ZFAT: variants seen among roughly 807,000 people sequenced by gnomAD.
ZFAT encodes zinc finger protein ZFAT.
In ZFAT, 64 loss-of-function variants were observed where a neutral mutation model predicts 117.7. The ratio of observed to expected loss-of-function variants is 0.54; its 90% confidence interval spans 0.44 to 0.67. ZFAT has a LOEUF of 0.67. ZFAT is among the 30% of genes least tolerant of loss of function. The pLI is 0.00. For missense variants in ZFAT, 1,433 were observed against 1,584.5 expected (o/e 0.90, Z 1.62); for synonymous variants, 679 against 615.0 (o/e 1.10, Z -1.54).
At chr8:134,712,732 G>C (rs1331709090) in intron 1 of ZFAT, 113 bp downstream of exon 1, 2 of 947,622 alleles carry the variant, frequency 2.1e-6, no homozygotes, top group Non-Finnish European at 2.8e-6. Context: ...GCCGGCGGCC[G>C]GCGGCCGGCG....
At chr8:134,713,880 C>A (rs574827069), upstream of ZFAT, among the ~76,000 whole-genome samples, 17 of 27,102 alleles carry the variant, frequency 6.3e-4, no homozygotes, top group East Asian at 0.016. Context: ...CATTATCTCC[C>A]TCCCTTACCT....
At chr8:134,608,519 T>A (rs1250311451) in intron 5 of ZFAT, among the ~76,000 whole-genome samples, 4 of 152,230 alleles carry the variant, frequency 2.6e-5, no homozygotes, top group Admixed American at 6.5e-5. Flanking sequence ...TCTAAAAACA[T>A]GCTACTCTGC....
chr8:134,518,971 A>G (rs1820442394), intron 13 of ZFAT, among the ~76,000 whole-genome samples: 1 of 152,154 alleles, frequency 6.6e-6, no homozygotes, highest in Admixed American at 6.6e-5. Context: ...CATTGGGTCT[A>G]TTCTAAATTT....
At chr8:134,559,222 C>G (rs1195704767) in intron 11 of ZFAT, among the ~76,000 whole-genome samples, 1 of 152,230 alleles carries the variant, frequency 6.6e-6, no homozygotes, top group Non-Finnish European at 1.5e-5. Context: ...TTCCAACCCT[C>G]ACCCACCTGC....
At chr8:134,522,646 C>T (rs1264359420) in intron 12 of ZFAT, among the ~76,000 whole-genome samples, 1 of 152,178 alleles carries the variant, frequency 6.6e-6, no homozygotes, top group Non-Finnish European at 1.5e-5. Flanking sequence ...TCTCTCAAAC[C>T]TGCCTGGCAA....
intron 9 of ZFAT, among the ~76,000 whole-genome samples, chr8:134,585,434 G>T (rs1301874431): frequency 6.6e-6 from 1 of 152,128 alleles, no homozygotes; most frequent in African/African-American, 2.4e-5. Context: ...TATTTGACCT[G>T]GTGTTTTTCT....
At chr8:134,782,642 A>G in the ZFAT span, among the ~76,000 whole-genome samples, 2 of 152,106 alleles carry the variant, frequency 1.3e-5, no homozygotes, top group Admixed American at 6.5e-5. Context: ...TAAGTATCAC[A>G]AGATCTGATA....
At position 134,685,748 on chromosome 8, in the gene ZFAT, T is replaced by C. The variant is rs1046171420; in HGVS notation, c.19+27097A>G. Among the ~76,000 whole-genome samples the C allele has an allele frequency of 1.3e-5, 2 of 152,162 alleles. 1 individual carries two copies. Among genetic ancestry groups the C allele is most frequent in the Admixed American group, 1.3e-4 (2 of 15,282 alleles). On this transcript the variant is annotated intron_variant, in intron 1 of 15. Coordinates refer to ENST00000377838, the MANE Select transcript of ZFAT (RefSeq NM_020863.4). ...CCTTCATCAACGGGAGGGCGACATATACGTGCTAACATCACCCTCCAGTGG... is the reference window on the plus strand; with the variant it reads ...CCTTCATCAACGGGAGGGCGACATACACGTGCTAACATCACCCTCCAGTGG...
At chr8:134,628,654 A>G (rs958321755) in intron 3 of ZFAT, among the ~76,000 whole-genome samples, 2 of 152,220 alleles carry the variant, frequency 1.3e-5, no homozygotes, top group Non-Finnish European at 2.9e-5. Flanking sequence ...TTATAATACC[A>G]TGTGTGTATT....
At chr8:134,709,568 C>G (rs1813910144) in intron 1 of ZFAT, among the ~76,000 whole-genome samples, 1 of 152,222 alleles carries the variant, frequency 6.6e-6, no homozygotes, top group Admixed American at 6.5e-5. Context: ...AGAGGGAAAA[C>G]TTAACTCTAG....
chr8:134,533,083 C>T, intron 11 of ZFAT, 111 bp from the exon 12 acceptor site: 4 of 1,435,258 alleles, frequency 2.8e-6, no homozygotes, highest in South Asian at 1.3e-5. Flanking sequence ...ATGAGCAGGC[C>T]CCATCACCTG....
At chr8:134,647,687 C>CA (rs1424318016) in intron 2 of ZFAT, among the ~76,000 whole-genome samples, 88 of 152,112 alleles carry the variant, frequency 5.8e-4, no homozygotes, top group African/African-American at 2.0e-3. Flanking sequence ...TTACAAGATA[C>CA]AAAATCAACA....
At chr8:134,713,583 CCT>C (rs1268141463), upstream of ZFAT, among the ~76,000 whole-genome samples, 1 of 152,138 alleles carries the variant, frequency 6.6e-6, no homozygotes, top group African/African-American at 2.4e-5. Context: ...GCGACTTCCT[CCT>C]CTCTCGTCTC....
intron 15 of ZFAT, among the ~76,000 whole-genome samples, chr8:134,485,194 C>T (rs1406854389): frequency 6.6e-6 from 1 of 152,116 alleles, no homozygotes; most frequent in South Asian, 2.1e-4. Context: ...CTCTGCCCAC[C>T]CACTGGGTCC....
At chr8:134,670,334 T>C (rs1405784316) in intron 1 of ZFAT, among the ~76,000 whole-genome samples, 3 of 152,228 alleles carry the variant, frequency 2.0e-5, no homozygotes, top group Admixed American at 6.5e-5. Context: ...TAATCCAAAA[T>C]TGACCACATA....
intron 10 of ZFAT, among the ~76,000 whole-genome samples, chr8:134,576,260 T>G (rs1045589893): frequency 6.6e-6 from 1 of 152,200 alleles, no homozygotes; most frequent in Non-Finnish European, 1.5e-5. Flanking sequence ...TTATTCCCAG[T>G]GGATCTTGTG....
chr8:134,528,070 C>G (rs781156946), intron 12 of ZFAT, among the ~76,000 whole-genome samples: 5 of 150,762 alleles, frequency 3.3e-5, no homozygotes, highest in Non-Finnish European at 6.0e-5. Context: ...GAGATGACCA[C>G]GCCTCTTCCT....
At chr8:134,711,272 G>T (rs557724164) in intron 1 of ZFAT, among the ~76,000 whole-genome samples, 3 of 152,332 alleles carry the variant, frequency 2.0e-5, no homozygotes, top group Admixed American at 6.5e-5. Context: ...CCCGGCTATG[G>T]AACTGCATTT....
chr8:134,525,114 G>A (rs62523709), intron 12 of ZFAT, among the ~76,000 whole-genome samples: 243 of 152,266 alleles, frequency 1.6e-3, no homozygotes, highest in Non-Finnish European at 3.0e-3. Context: ...ATTATATGGC[G>A]ATGCTGACCA....
Sources: gnomAD v4.1 joint callset for allele counts (sites outside exome capture counted in the v4.1 genomes callset) on GRCh38, gnomAD v4.1.1 for gene constraint, MANE v1.5 for transcripts, NCBI Gene and HGNC (gene_info 2026-07-23, HGNC 2026-07-21) for gene names.